OTC: variants seen among roughly 807,000 people sequenced by gnomAD.
The protein encoded by OTC is ornithine transcarbamylase, mitochondrial.
OTC carries 3 observed loss-of-function variants against 30.3 expected under a neutral mutation model. The observed-to-expected ratio is 0.10, with a 90% CI of 0.05 to 0.26. The LOEUF is 0.26. OTC is among the 10% of genes least tolerant of loss of function. The pLI is 1.00. For synonymous variants in OTC, 111 were observed against 99.7 expected (o/e 1.11, Z -0.67); for missense variants, 194 against 260.3 (o/e 0.75, Z 1.75).
chrX:38,395,758 C>T (rs189112719), intron 4 of OTC: 3 of 114,160 alleles, frequency 2.6e-5, no homozygotes, highest in East Asian at 2.5e-4. Flanking sequence ...ATTGCAGGCT[C>T]CTCCTGGGGC....
chrX:38,329,771 G>A, the OTC span, among the ~76,000 whole-genome samples: 6 of 111,389 alleles, frequency 5.4e-5, no homozygotes, highest in African/African-American at 2.0e-4. Context: ...CCTCTGATTG[G>A]TTGCAAGGCC....
intron 9 of OTC, among the ~76,000 whole-genome samples, chrX:38,416,714 A>C (rs1017547215): frequency 8.9e-6 from 1 of 112,460 alleles, no homozygotes; most frequent in Non-Finnish European, 1.9e-5. Context: ...AACATACAGT[A>C]AAATATATAT....
intron 9 of OTC, among the ~76,000 whole-genome samples, chrX:38,420,385 A>G (rs1000381932): frequency 1.8e-5 from 2 of 111,629 alleles, no homozygotes; most frequent in African/African-American, 6.5e-5. Context: ...GGTACTTAGT[A>G]TTCTATCTAA....
At chrX:38,353,604 A>G (rs764688300) in intron 1 of OTC, among the ~76,000 whole-genome samples, 2 of 111,653 alleles carry the variant, frequency 1.8e-5, no homozygotes, top group Non-Finnish European at 3.8e-5. Context: ...TATTATTAGT[A>G]AGTGGACCTG....
At chrX:38,359,914 C>CTTTTTTTTTT (rs57184116) in intron 1 of OTC, among the ~76,000 whole-genome samples, 2 of 94,521 alleles carry the variant, frequency 2.1e-5, no homozygotes, top group Non-Finnish European at 4.2e-5. Context: ...TTCTTTCTTT[C>CTTTTTTTTTT]TTTTTTTTTT....
rs143284686 is a variant in OTC, at chrX:38,377,182, G to A, written c.299-4160G>A. 5.6e-4 allele frequency among the ~76,000 whole-genome samples: 62 copies of A among 111,608 alleles called. No homozygotes were observed. The East Asian group carries it at 8.7e-3, about 16-fold the overall frequency. On this transcript the variant is annotated intron_variant, in intron 3 of 9. Transcript: ENST00000039007. The stretch of plus-strand genomic sequence containing the variant: ...GAAGAATTTTGGAAAAAATATAAAC[G>A]CGTGGAAATTTAAAAATGTGCTCCT...
chrX:38,368,114 CA>C (rs1470113214), intron 2 of OTC, among the ~76,000 whole-genome samples: 2 of 34,770 alleles, frequency 5.8e-5, no homozygotes, highest in African/African-American at 8.7e-4. Context: ...GTAATCCCAG[CA>C]CTTAGGGAGG....
rs62622415 is a variant in OTC, at chrX:38,409,060, T to G, written c.867+35T>G. ...GATGCCTCTCTGAAGGTTCATTAAT[T>G]CCATTCATGAAGGCCAGAACCATCT... is the stretch of plus-strand genomic sequence containing the variant. On this transcript the variant is annotated intron_variant, in intron 8 of 9. Transcript: ENST00000039007. 0.032 allele frequency: 37,948 copies of G among 1,180,579 alleles called. 483 individuals are homozygous for G. Among genetic ancestry groups the G allele is most frequent in the Middle Eastern group, 0.042 (179 of 4,243 alleles).
intron 3 of OTC, among the ~76,000 whole-genome samples, chrX:38,370,387 A>G (rs1262828913): frequency 8.9e-6 from 1 of 111,799 alleles, no homozygotes; most frequent in Non-Finnish European, 1.9e-5. Context: ...ATGTAGGGGT[A>G]TGGGGATCTG....
chrX:38,334,539 G>A, the OTC span, among the ~76,000 whole-genome samples: 282 of 111,665 alleles, frequency 2.5e-3, no homozygotes, highest in African/African-American at 8.9e-3. Context: ...GAAGATTGAG[G>A]AATGAGGCTG....
chrX:38,344,397 C>T, the OTC span, among the ~76,000 whole-genome samples: 1 of 111,346 alleles, frequency 9.0e-6, no homozygotes, highest in Non-Finnish European at 1.9e-5. Context: ...CGTCTCACAA[C>T]AGAGCAGAGC....
At chrX:38,339,574 A>G in the OTC span, among the ~76,000 whole-genome samples, 1 of 103,008 alleles carries the variant, frequency 9.7e-6, no homozygotes, top group Non-Finnish European at 2.0e-5. Flanking sequence ...ACTAATGGGT[A>G]GTTTTAAATG....
At chrX:38,367,641 T>G (rs1253175191) in intron 2 of OTC, among the ~76,000 whole-genome samples, 2 of 112,035 alleles carry the variant, frequency 1.8e-5, no homozygotes, top group African/African-American at 3.2e-5. Context: ...CATTGCACTT[T>G]TTTCACGTGG....
At chrX:38,420,156 A>AT (rs1301276381) in intron 9 of OTC, among the ~76,000 whole-genome samples, 8 of 111,154 alleles carry the variant, frequency 7.2e-5, no homozygotes, top group African/African-American at 2.6e-4. Context: ...AAAAATAATA[A>AT]TTTTTAAAAA....
intron 3 of OTC, among the ~76,000 whole-genome samples, chrX:38,373,354 A>G (rs1359263772): frequency 1.8e-5 from 2 of 112,405 alleles, no homozygotes; most frequent in Non-Finnish European, 3.8e-5. Flanking sequence ...AGATGTATCG[A>G]TGTAGCTGTG....
At chrX:38,401,970 A>C (rs1449577079) in intron 5 of OTC, among the ~76,000 whole-genome samples, 2 of 111,908 alleles carry the variant, frequency 1.8e-5, no homozygotes, top group Non-Finnish European at 3.8e-5. Flanking sequence ...CAAATTAGGA[A>C]CTTGAATAAC....
chrX:38,397,944 C>T (rs1416275590), intron 4 of OTC, among the ~76,000 whole-genome samples: 1 of 111,788 alleles, frequency 8.9e-6, no homozygotes, highest in African/African-American at 3.2e-5. Flanking sequence ...TAATGTGCAG[C>T]CAAAGTAAAG....
At chrX:38,337,739 C>T in the OTC span, among the ~76,000 whole-genome samples, 2 of 111,885 alleles carry the variant, frequency 1.8e-5, no homozygotes, top group Non-Finnish European at 3.8e-5. Context: ...TTCCCATACA[C>T]AATTCCCTGA....
At chrX:38,360,680 A>G (rs1569272153) in intron 1 of OTC, among the ~76,000 whole-genome samples, 2 of 111,868 alleles carry the variant, frequency 1.8e-5, no homozygotes, top group South Asian at 3.7e-4. Context: ...GCGATATCCC[A>G]ATGTGCACAA....
Sources: gnomAD v4.1 joint callset for allele counts (sites outside exome capture counted in the v4.1 genomes callset) on GRCh38, gnomAD v4.1.1 for gene constraint, MANE v1.5 for transcripts, NCBI Gene and HGNC (gene_info 2026-07-23, HGNC 2026-07-21) for gene names.